Variants in CES5A observed in about 807,000 individuals in gnomAD.
The protein encoded by CES5A is carboxylesterase 5A.
CES5A carries 67 observed loss-of-function variants against 62.9 expected under a neutral mutation model. The observed-to-expected ratio is 1.07, with a 90% CI of 0.88 to 1.31. The LOEUF (loss-of-function observed/expected upper bound fraction) is 1.31, where lower values mean the gene tolerates loss of function less well. Among genes scored for constraint, CES5A ranks in the 50% most tolerant of loss-of-function variants. CES5A has a pLI of 0.00. For missense variants in CES5A, 748 were observed against 708.5 expected (o/e 1.06, Z -0.63); for synonymous variants, 296 against 280.8 (o/e 1.05, Z -0.54).
rs758446998 is a variant in CES5A, at chr16:55,934,657, GGT to G, written c.160+15126_160+15127del. Among the ~76,000 whole-genome samples the G allele has an allele frequency of 3.3e-3, 441 of 135,500 alleles. 1 individual carries two copies. The highest frequency in any genetic ancestry group is 8.8e-3 in the South Asian group (39 of 4,446). The allele number at this position is 135,500 out of a possible 152,430, so 88.9% of individuals were successfully genotyped here. A position where few individuals can be genotyped will look rare whatever the true frequency, so the allele number is the denominator to read the frequency against. On this transcript the variant is annotated intron_variant, in intron 2 of 13. Coordinates refer to the CES5A transcript ENST00000521992. ...CAATAGAAACCAAGAAATTGTGTGGGGTGTGTGTGTGTGTGTGTGTGCGCGTG... is the reference window on the plus strand; with the variant it reads ...CAATAGAAACCAAGAAATTGTGTGGGGTGTGTGTGTGTGTGTGTGCGCGTG...
At chr16:55,904,049 A>G (rs185795716) in intron 1 of CES5A, among the ~76,000 whole-genome samples, 69 of 152,386 alleles carry the variant, frequency 4.5e-4, no homozygotes, top group Non-Finnish European at 7.3e-5. Flanking sequence ...ACTCACAGTG[A>G]GATGATTTTA....
intron 9 of CES5A, among the ~76,000 whole-genome samples, chr16:55,854,527 G>GTTTTTTTCTGTTTTC (rs2033194450): frequency 8.6e-6 from 1 of 116,684 alleles, no homozygotes; most frequent in African/African-American, 3.5e-5. Flanking sequence ...TGCCTGTAGT[G>GTTTTTTTCTGTTTTC]TTTCTTTTTT....
At chr16:55,946,648 G>A (rs529663101) in intron 2 of CES5A, among the ~76,000 whole-genome samples, 2 of 152,312 alleles carry the variant, frequency 1.3e-5, no homozygotes, top group African/African-American at 4.8e-5. Context: ...TTGAGTTTTG[G>A]AAGATTGGTG....
intron 1 of CES5A, among the ~76,000 whole-genome samples, chr16:55,898,595 A>G (rs1428058130): frequency 2.0e-5 from 3 of 152,232 alleles, no homozygotes; most frequent in African/African-American, 4.8e-5. Context: ...AGTCATTCCA[A>G]CAGACCAGGA....
chr16:55,883,466 G>A lies in CES5A; in HGVS notation c.-255-9429C>T, dbSNP rs1281394587. ...TTTGTATTTTTTTTAACAGAGACAAGGTTTCACCATGTTGGCCAGGATGGT... is the reference window on the plus strand; with the variant it reads ...TTTGTATTTTTTTTAACAGAGACAAAGTTTCACCATGTTGGCCAGGATGGT... On this transcript the variant is annotated intron_variant, in intron 1 of 12. Coordinates refer to the CES5A transcript ENST00000518005. Among the ~76,000 whole-genome samples the A allele has an allele frequency of 2.6e-5, 4 of 152,118 alleles. No individual in the cohort carries two copies. The East Asian group carries it at 5.8e-4, about 22-fold the overall frequency.
At chr16:55,910,220 C>T (rs1163254236) in intron 1 of CES5A, among the ~76,000 whole-genome samples, 4 of 152,194 alleles carry the variant, frequency 2.6e-5, no homozygotes, top group Non-Finnish European at 5.9e-5. Context: ...CTTCTAAGTG[C>T]ACCATGCAGC....
At chr16:55,881,518 T>C (rs897794221) in intron 1 of CES5A, among the ~76,000 whole-genome samples, 3 of 152,164 alleles carry the variant, frequency 2.0e-5, no homozygotes, top group African/African-American at 7.2e-5. Flanking sequence ...CTCGGGCAGA[T>C]GCTAATATGC....
At chr16:55,912,410 T>C (rs12918315) in intron 1 of CES5A, among the ~76,000 whole-genome samples, 75,051 of 151,768 alleles carry the variant, frequency 0.49, 18,972 homozygotes, top group Non-Finnish European at 0.54. Context: ...TCTGCTAGGG[T>C]GGAAGGGAGC....
chr16:55,852,727 C>A (rs745734670), intron 10 of CES5A, among the ~76,000 whole-genome samples, 154 bp downstream of exon 10: 3 of 152,186 alleles, frequency 2.0e-5, no homozygotes, highest in Non-Finnish European at 4.4e-5. Flanking sequence ...TGACGCAGGT[C>A]CCCATGGCAT....
At chr16:55,939,668 A>C (rs1336112630) in intron 2 of CES5A, among the ~76,000 whole-genome samples, 2 of 152,132 alleles carry the variant, frequency 1.3e-5, no homozygotes, top group Non-Finnish European at 2.9e-5. Context: ...TCAACAAATA[A>C]GACCTTACTG....
chr16:55,913,479 T>C (rs1297160366), intron 1 of CES5A, among the ~76,000 whole-genome samples: 2 of 152,154 alleles, frequency 1.3e-5, no homozygotes, highest in East Asian at 3.9e-4. Context: ...CTGTTAGTCC[T>C]GCAAAAGCAG....
upstream of CES5A, among the ~76,000 whole-genome samples, chr16:55,926,261 T>A (rs1412888341): frequency 1.3e-5 from 2 of 152,180 alleles, no homozygotes; most frequent in African/African-American, 4.8e-5. Flanking sequence ...ATGTATAAAT[T>A]TTTAAAAAAG....
At chr16:55,859,127 C>G (rs1332241645) in intron 8 of CES5A, among the ~76,000 whole-genome samples, 1 of 152,210 alleles carries the variant, frequency 6.6e-6, no homozygotes, top group Non-Finnish European at 1.5e-5. Context: ...CTTATGCAAC[C>G]TTAGCATTCA....
intron 1 of CES5A, among the ~76,000 whole-genome samples, chr16:55,884,363 C>T (rs1395623332): frequency 6.6e-6 from 1 of 152,212 alleles, no homozygotes; most frequent in East Asian, 1.9e-4. Context: ...CCATCTCCAC[C>T]ACTCCTTACA....
intron 1 of CES5A, among the ~76,000 whole-genome samples, chr16:55,889,325 G>A (rs2033849786): frequency 2.6e-5 from 4 of 152,022 alleles, no homozygotes; most frequent in Admixed American, 6.6e-5. Context: ...ACAGGTTGGG[G>A]GCTCAGTCCC....
chr16:55,864,135 A>G (rs1247679181), intron 5 of CES5A, among the ~76,000 whole-genome samples: 2 of 152,220 alleles, frequency 1.3e-5, no homozygotes, highest in East Asian at 1.9e-4. Context: ...TGTGAGGAGC[A>G]GGGGAGGTAA....
intron 2 of CES5A, among the ~76,000 whole-genome samples, chr16:55,932,972 G>A (rs2034330333): frequency 6.6e-6 from 1 of 152,186 alleles, no homozygotes; most frequent in Non-Finnish European, 1.5e-5. Flanking sequence ...GTAGCAGGAG[G>A]GAGAAGAAAA....
chr16:55,904,710 T>C (rs2034022218), intron 1 of CES5A, among the ~76,000 whole-genome samples: 1 of 152,224 alleles, frequency 6.6e-6, no homozygotes, highest in Non-Finnish European at 1.5e-5. Context: ...TTACCTATAG[T>C]AGCACAGCTA....
intron 3 of CES5A, among the ~76,000 whole-genome samples, chr16:55,870,359 G>A (rs1211968411): frequency 6.6e-6 from 1 of 151,922 alleles, no homozygotes; most frequent in Admixed American, 6.6e-5. Flanking sequence ...AAGGAGGAAG[G>A]AGGAAGAGGA....
Sources: gnomAD v4.1 joint callset for allele counts (sites outside exome capture counted in the v4.1 genomes callset) on GRCh38, gnomAD v4.1.1 for gene constraint, MANE v1.5 for transcripts, NCBI Gene and HGNC (gene_info 2026-07-23, HGNC 2026-07-21) for gene names.